Variants in CEP72 observed in about 807,000 individuals in gnomAD.
CEP72 encodes centrosomal protein 72.
CEP72 carries 78 observed loss-of-function variants against 65.7 expected under a neutral mutation model. The observed-to-expected ratio is 1.19, with a 90% confidence interval of 0.99 to 1.43. The LOEUF is 1.43. Among genes scored for constraint, CEP72 ranks in the 40% most tolerant of loss-of-function variants. The pLI is 0.00. For synonymous variants in CEP72, 358 were observed against 351.7 expected (o/e 1.02, Z -0.20); for missense variants, 914 against 832.9 (o/e 1.10, Z -1.20).
At chr5:625,763 T>C (rs1231387561) in intron 4 of CEP72, among the ~76,000 whole-genome samples, 2 of 152,080 alleles carry the variant, frequency 1.3e-5, no homozygotes, top group African/African-American at 4.8e-5. Context: ...TCCTGGCTGC[T>C]GGTGATCTAC....
chr5:654,437 CTGTG>C (rs896601794), downstream of CEP72, among the ~76,000 whole-genome samples: 5 of 147,262 alleles, frequency 3.4e-5, no homozygotes, highest in African/African-American at 5.1e-5. Flanking sequence ...TGTCTGCTAG[CTGTG>C]TGTGTGTGTG....
At chr5:673,503 G>A in the CEP72 span, among the ~76,000 whole-genome samples, 7 of 152,188 alleles carry the variant, frequency 4.6e-5, no homozygotes, top group East Asian at 1.9e-4. Flanking sequence ...CCCTCAGGCC[G>A]GAGTCCCAGT....
chr5:647,683 T>C (rs1580013593), intron 10 of CEP72, 122 bp from the exon 11 acceptor site: 3 of 693,956 alleles, frequency 4.3e-6, no homozygotes, highest in East Asian at 2.7e-5. Flanking sequence ...TACTGATCTT[T>C]TCCAGCTATA....
In CEP72 at chr5:612,398, G is replaced by A; in HGVS notation, c.37G>A (p.Glu13Lys). The stretch of plus-strand genomic sequence containing the variant: ...TGGCCCTCGGCTGGTGCTGAGCGAG[G>A]AGGCGGTTCGGGCGAAGAGCGGCTT... ...RAGPRLVLSE[E>K]AVRAKSGLGP... The change falls in exon 1 of 12, where the codon GAG becomes AAG. Residue 13 changes from glutamate (E) to lysine (K), a missense_variant. By Grantham distance (56) the Glu-to-Lys change is moderately conservative. Coordinates refer to ENST00000264935, the MANE Select transcript of CEP72 (RefSeq NM_018140.4). The A allele has an allele frequency of 6.7e-7, 1 of 1,490,100 alleles. No homozygotes were observed. The highest frequency in any genetic ancestry group is 8.9e-7 in the Non-Finnish European group (1 of 1,125,118). 92.3% of individuals were successfully genotyped at this position (1,490,100 alleles called of 1,614,324 possible). A position where few individuals can be genotyped will look rare whatever the true frequency, so the allele number is the denominator to read the frequency against.
At chr5:668,452 A>G (rs1210244641), downstream of CEP72, among the ~76,000 whole-genome samples, 4 of 132,700 alleles carry the variant, frequency 3.0e-5, no homozygotes, top group East Asian at 7.9e-4. Flanking sequence ...AAGTGCGGAC[A>G]AGCACACGGA....
exon 3 of CEP72, chr5:665,195 C>T (rs1036637004): frequency 2.9e-5 from 47 of 1,611,226 alleles, no homozygotes; most frequent in Non-Finnish European, 3.9e-5. Flanking sequence ...CGCGGCCAGC[C>T]TTGCCCTTGC....
rs775195763 is a variant in CEP72 at position 637,539 on chromosome 5, G to A, written c.927G>A (p.Ser309=). The A allele has an allele frequency of 2.2e-5, 36 of 1,613,656 alleles. No individual in the cohort carries two copies. Among genetic ancestry groups the A allele is most frequent in the Non-Finnish European group, 3.0e-5 (35 of 1,179,842 alleles). Residue 309 remains serine (S), a synonymous_variant, in exon 7 of 12, where the codon TCG becomes TCA. Coordinates refer to ENST00000264935, the MANE Select transcript of CEP72 (RefSeq NM_018140.4). ...CAGACTCCATGGATACCGAGGACTC[G>A]GCCTCTTCTCAGAAGTTGGATTTGT... is the stretch of plus-strand genomic sequence containing the variant. The part of the protein sequence containing the change: ...PHPDSMDTED[S]ASSQKLDLSG...
intron 8 of CEP72, 139 bp downstream of exon 8, chr5:639,363 G>A (rs1213561303): frequency 1.0e-5 from 10 of 963,130 alleles, no homozygotes; most frequent in South Asian, 3.5e-5. Context: ...GTGGTCCCGC[G>A]CCTGGGCCCT....
Position 640,488 on chromosome 5 carries a change from G to A in CEP72, c.1423G>A (p.Gly475Ser), listed in dbSNP as rs368269218. 3.7e-6 allele frequency: 6 copies of A among 1,614,096 alleles called. No individual in the cohort carries two copies. The African/African-American group carries it at 4.0e-5, about 11-fold the overall frequency. The change falls in exon 9 of 12, where the codon GGC becomes AGC. Residue 475 changes from glycine to serine, a missense_variant. Coordinates refer to ENST00000264935, the MANE Select transcript of CEP72 (RefSeq NM_018140.4). ...CTCTGCGATGGTGGGTGAAGATGTC[G>A]GCTCCCTGGCTCTGGAGAGTAAGTC... is the stretch of plus-strand genomic sequence containing the variant. ...DSSAMVGEDV[G>S]SLALESKSLQ...
chr5:642,682 C>G (rs1454610253), intron 9 of CEP72: 2 of 985,324 alleles, frequency 2.0e-6, no homozygotes, highest in South Asian at 9.4e-5. Flanking sequence ...CTGGACAGAG[C>G]AGCCCTGGTT....
intron 8 of CEP72, among the ~76,000 whole-genome samples, chr5:640,130 C>G (rs1353207911): frequency 6.6e-6 from 1 of 152,308 alleles, no homozygotes; most frequent in East Asian, 1.9e-4. Flanking sequence ...GAAGGCGCAG[C>G]GAGTTGTGGC....
intron 2 of CEP72, among the ~76,000 whole-genome samples, 184 bp downstream of exon 2, chr5:619,301 CG>C (rs1384079187): frequency 1.3e-5 from 2 of 152,182 alleles, no homozygotes; most frequent in Admixed American, 1.3e-4. Context: ...GTTGTGTTGT[CG>C]CCCTCTGATG....
At chr5:620,311 G>C (rs1042731010) in intron 3 of CEP72, 50 bp downstream of exon 3, 1 of 1,478,304 alleles carries the variant, frequency 6.8e-7, no homozygotes, top group Non-Finnish European at 9.4e-7. Context: ...GTGGGGTATG[G>C]GAGTCGGGGA....
chr5:637,171 G>T (rs1373637036), intron 6 of CEP72, among the ~76,000 whole-genome samples: 1 of 152,338 alleles, frequency 6.6e-6, no homozygotes, highest in Middle Eastern at 3.4e-3. Flanking sequence ...GACGTTGTTT[G>T]GAACGCGTTG....
chr5:616,322 T>A (rs371673147), intron 1 of CEP72, among the ~76,000 whole-genome samples: 128 of 152,350 alleles, frequency 8.4e-4, no homozygotes, highest in African/African-American at 2.8e-3. Flanking sequence ...TCTATTTGTT[T>A]CTTCTTTATA....
At position 645,445 on chromosome 5, in the gene CEP72, G is replaced by T. The variant is rs371305738; in HGVS notation, c.1666+1020G>T. ...AACCGTGTCCATTCAACATCATTTC[G>T]TCGTAAAGGTGATGAGAAAAAAAAA... On this transcript the variant is annotated intron_variant, in intron 10 of 11. Coordinates refer to ENST00000264935, the MANE Select transcript of CEP72 (RefSeq NM_018140.4). The surrounding 1 kb of genome is among the most constrained non-coding windows in gnomAD (Gnocchi z 4.0). Among the ~76,000 whole-genome samples the T allele has an allele frequency of 8.7e-5, 13 of 149,254 alleles. No homozygotes were observed. In the East Asian group the frequency reaches 2.4e-3, roughly 27 times the overall value.
chr5:616,276 T>G (rs557152610), intron 1 of CEP72, among the ~76,000 whole-genome samples: 35 of 152,344 alleles, frequency 2.3e-4, no homozygotes, highest in Admixed American at 1.9e-3. Flanking sequence ...TAAACTGCTC[T>G]TGTGATTTTT....
chr5:669,509 C>T (rs191759553), downstream of CEP72, among the ~76,000 whole-genome samples: 42 of 152,276 alleles, frequency 2.8e-4, no homozygotes, highest in Admixed American at 2.4e-3. Flanking sequence ...TGTCCTGGGC[C>T]GTCAAAGGCT....
intron 6 of CEP72, 50 bp downstream of exon 6, chr5:635,634 C>A: frequency 7.3e-7 from 1 of 1,367,072 alleles, no homozygotes; most frequent in Non-Finnish European, 1.0e-6. Context: ...CAGAAAACCA[C>A]AGACTGAGTA....
Sources: gnomAD v4.1 joint callset for allele counts (sites outside exome capture counted in the v4.1 genomes callset) on GRCh38, gnomAD v4.1.1 for gene constraint, Gnocchi (gnomAD v3.1) non-coding constraint, MANE v1.5 for transcripts, NCBI Gene and HGNC (gene_info 2026-07-23, HGNC 2026-07-21) for gene names.